The following VMP1 variants were observed in gnomAD, a reference collection of about 807,000 sequenced individuals.
The protein encoded by VMP1 is vacuole membrane protein 1, also known as ectopic P-granules autophagy protein 3 homolog.
Under a neutral mutation model 56.0 loss-of-function variants are expected in VMP1, and 11 were observed. The observed-to-expected ratio is 0.20, with a 90% CI of 0.12 to 0.32. VMP1 has a LOEUF of 0.32. Among genes scored for constraint, VMP1 ranks in the 10% least tolerant of loss-of-function variants. The pLI is 1.00. For synonymous variants in VMP1, 149 were observed against 165.0 expected, an observed-to-expected ratio of 0.90 and a Z score of 0.74; for missense variants, 296 against 490.3, an observed-to-expected ratio of 0.60 and a Z score of 3.74.
At chr17:59,789,819 TCCTTTCTTTCTTTCCC>T (rs2037155578) in intron 7 of VMP1, among the ~76,000 whole-genome samples, 2 of 147,858 alleles carry the variant, frequency 1.4e-5, no homozygotes, top group Non-Finnish European at 3.0e-5. Flanking sequence ...CTTCCTTCCT[TCCTTTCTTTCTTTCCC>T]TTTTTTTTTT....
chr17:59,802,075 C>A (rs940540245), intron 7 of VMP1, among the ~76,000 whole-genome samples: 2 of 151,790 alleles, frequency 1.3e-5, no homozygotes, highest in African/African-American at 4.8e-5. Context: ...GTGGCACGCA[C>A]CTGTAGTCCT....
rs1297906762 is a variant in VMP1 at position 59,831,521 on chromosome 17, A to G, written c.975-6774A>G. 2.0e-5 allele frequency among the ~76,000 whole-genome samples: 3 copies of G among 152,152 alleles called. No individual in the cohort carries two copies. The East Asian group carries it at 5.8e-4, about 29-fold the overall frequency. Reference sequence around the variant, plus strand: ...GTGATTTCCAGAAGCAGAGTAACATATATATTAAAAACCATAGAAAAATAA... The same window carrying G: ...GTGATTTCCAGAAGCAGAGTAACATGTATATTAAAAACCATAGAAAAATAA... On this transcript the variant is annotated intron_variant, in intron 10 of 11. Coordinates refer to ENST00000262291, the MANE Select transcript of VMP1 (RefSeq NM_030938.5).
chr17:59,808,907 A>T (rs1176587705), intron 8 of VMP1, 31 bp downstream of exon 8: 1 of 1,577,602 alleles, frequency 6.3e-7, no homozygotes, highest in Admixed American at 1.7e-5. Flanking sequence ...CAGAACTTTT[A>T]CTAAGTGGTA....
chr17:59,753,434 A>G (rs2035726585), intron 5 of VMP1, among the ~76,000 whole-genome samples: 1 of 152,174 alleles, frequency 6.6e-6, no homozygotes, highest in Admixed American at 6.5e-5. Context: ...ATTATGAGAA[A>G]TGTATTCTGG....
At chr17:59,728,273 T>C (rs954702281) in intron 1 of VMP1, among the ~76,000 whole-genome samples, 2 of 152,186 alleles carry the variant, frequency 1.3e-5, no homozygotes, top group Non-Finnish European at 2.9e-5. Context: ...ATTGGACCCA[T>C]GACCATATCA....
At chr17:59,768,828 A>C (rs1449402501) in intron 6 of VMP1, among the ~76,000 whole-genome samples, 1 of 151,058 alleles carries the variant, frequency 6.6e-6, no homozygotes, top group South Asian at 2.1e-4. Flanking sequence ...TAAAAATACA[A>C]AAAAAAAATT....
intron 10 of VMP1, among the ~76,000 whole-genome samples, chr17:59,825,289 G>T (rs911754495): frequency 6.6e-6 from 1 of 151,652 alleles, no homozygotes; most frequent in Non-Finnish European, 1.5e-5. Context: ...GGCTAGGCTG[G>T]TCTCAAACTC....
chr17:59,764,956 G>C lies in VMP1; in HGVS notation c.415-15G>C, dbSNP rs540111508. 8.3e-5 allele frequency: 125 copies of C among 1,501,360 alleles called. No homozygotes were observed. In the South Asian group the frequency reaches 1.4e-3, roughly 17 times the overall value. 93.0% of individuals were successfully genotyped at this position (1,501,360 alleles called of 1,614,324 possible). The stretch of plus-strand genomic sequence containing the variant: ...TAATAGTTCTTATCAGAAGTTTCTT[G>C]TATTTGTTTTATAGGGTCCACATAT... On this transcript the variant is annotated splice_polypyrimidine_tract_variant and intron_variant, in intron 5 of 11. Coordinates refer to ENST00000262291, the MANE Select transcript of VMP1 (RefSeq NM_030938.5).
At chr17:59,832,032 G>A (rs1049401652) in intron 10 of VMP1, among the ~76,000 whole-genome samples, 30 of 151,810 alleles carry the variant, frequency 2.0e-4, no homozygotes, top group Admixed American at 3.9e-4. Flanking sequence ...ACAGGCATGC[G>A]CCACCATGCC....
In VMP1 at chr17:59,738,078, A is replaced by C. The variant is rs567675402; in HGVS notation, c.303+535A>C. On this transcript the variant is annotated intron_variant, in intron 4 of 11. Transcript: ENST00000262291. ...ACTCTGCCTGTAATCAAAGATTTAA[A>C]TGTAACTTTCCTGAAGGTTTTCCGT... is the stretch of plus-strand genomic sequence containing the variant. Among the ~76,000 whole-genome samples, 4 of 152,218 alleles carry C rather than the reference A, an allele frequency of 2.6e-5. No homozygotes were observed. The South Asian group carries it at 6.2e-4, about 24-fold the overall frequency.
intron 7 of VMP1, among the ~76,000 whole-genome samples, chr17:59,784,140 T>TAA (rs2036924638): frequency 7.5e-6 from 1 of 134,088 alleles, no homozygotes; most frequent in South Asian, 2.4e-4. Flanking sequence ...TGTGTGTGTG[T>TAA]GTGAGAGAGA....
intron 1 of VMP1, among the ~76,000 whole-genome samples, chr17:59,727,082 A>T (rs2034634615): frequency 6.6e-6 from 1 of 151,660 alleles, no homozygotes; most frequent in Admixed American, 6.6e-5. Context: ...ATTAAGAAAA[A>T]CTGATGTTTA....
chr17:59,708,343 A>T (rs2033769130), intron 1 of VMP1, among the ~76,000 whole-genome samples: 1 of 152,204 alleles, frequency 6.6e-6, no homozygotes, highest in Non-Finnish European at 1.5e-5. Flanking sequence ...CAAACCCCTG[A>T]ACCCCGACCT....
At position 59,839,818 on chromosome 17, in the gene VMP1, G is replaced by A; in HGVS notation, c.1128G>A (p.Val376=). 1 of 1,613,764 alleles carries A rather than the reference G, an allele frequency of 6.2e-7. No homozygotes were observed. Among genetic ancestry groups the A allele is most frequent in the Non-Finnish European group, 8.5e-7 (1 of 1,179,964 alleles). ...WMFEKLVVVM[V]CYFILSIINS... ...TTGAAAAGTTGGTCGTTGTCATGGTGTGTTACTTCATCCTATCTATCATTA... is the reference window on the plus strand; with the variant it reads ...TTGAAAAGTTGGTCGTTGTCATGGTATGTTACTTCATCCTATCTATCATTA... The change falls in exon 12 of 12, where the codon GTG becomes GTA. Residue 376 remains valine, a synonymous_variant. Coordinates refer to ENST00000262291, the MANE Select transcript of VMP1 (RefSeq NM_030938.5).
intron 2 of VMP1, among the ~76,000 whole-genome samples, chr17:59,732,817 C>T (rs1023843252): frequency 1.7e-4 from 26 of 152,176 alleles, no homozygotes; most frequent in Non-Finnish European, 8.8e-5. Flanking sequence ...CAAACTTACT[C>T]TTCTGTACCA....
intron 7 of VMP1, among the ~76,000 whole-genome samples, chr17:59,801,682 G>C (rs534127496): frequency 6.6e-6 from 1 of 152,188 alleles, no homozygotes; most frequent in Non-Finnish European, 1.5e-5. Context: ...ATCACCTGAG[G>C]TTAGGAGTTC....
At chr17:59,732,552 TGTTA>T (rs56384611) in intron 2 of VMP1, among the ~76,000 whole-genome samples, 62,362 of 151,682 alleles carry the variant, frequency 0.41, 14,580 homozygotes, top group Non-Finnish European at 0.53. Context: ...CTCATTTGTT[TGTTA>T]ATCACCATAT....
At chr17:59,789,406 G>A (rs548592281) in intron 7 of VMP1, among the ~76,000 whole-genome samples, 2 of 151,892 alleles carry the variant, frequency 1.3e-5, no homozygotes, top group African/African-American at 4.8e-5. Flanking sequence ...GTGGTGGCTC[G>A]CACCTGTAGT....
intron 5 of VMP1, among the ~76,000 whole-genome samples, chr17:59,742,044 A>G (rs921217949): frequency 1.3e-5 from 2 of 152,216 alleles, no homozygotes; most frequent in Non-Finnish European, 2.9e-5. Flanking sequence ...CATTTATTAC[A>G]TATTATGTGA....
Sources: gnomAD v4.1 joint callset for allele counts (sites outside exome capture counted in the v4.1 genomes callset) on GRCh38, gnomAD v4.1.1 for gene constraint, MANE v1.5 for transcripts, NCBI Gene and HGNC (gene_info 2026-07-23, HGNC 2026-07-21) for gene names.